RAD54L2: variants seen among roughly 807,000 people sequenced by gnomAD.
The protein encoded by RAD54L2 is RAD54 like 2.
RAD54L2 carries 27 observed loss-of-function variants against 138.4 expected under a neutral mutation model. The observed-to-expected ratio is 0.20, with a 90% CI of 0.14 to 0.27. The LOEUF (loss-of-function observed/expected upper bound fraction) is 0.27, where lower values mean the gene tolerates loss of function less well. Among genes scored for constraint, RAD54L2 ranks in the 10% least tolerant of loss-of-function variants. The probability of loss-of-function intolerance (pLI) is 1.00; values close to 1 mark genes in which losing one functional copy is unlikely to be tolerated. For synonymous variants in RAD54L2, 644 were observed against 723.2 expected, an observed-to-expected ratio of 0.89 and a Z score of 1.76; for missense variants, 1,396 against 1,890.2, an observed-to-expected ratio of 0.74 and a Z score of 4.85.
intron 1 of RAD54L2, among the ~76,000 whole-genome samples, chr3:51,539,861 G>A (rs1222076707): frequency 6.6e-6 from 1 of 152,186 alleles, no homozygotes; most frequent in African/African-American, 2.4e-5. Flanking sequence ...GATGCAACTG[G>A]AAGGGTTATG....
At chr3:51,543,608 C>CAA (rs1169502388) in intron 2 of RAD54L2, among the ~76,000 whole-genome samples, 16 of 60,454 alleles carry the variant, frequency 2.6e-4, no homozygotes, top group African/African-American at 6.4e-4. Flanking sequence ...AACTCCATCT[C>CAA]AAAAAAAAAA....
chr3:51,649,452 CAA>C (rs938978775), intron 19 of RAD54L2, among the ~76,000 whole-genome samples: 3 of 152,100 alleles, frequency 2.0e-5, no homozygotes, highest in Admixed American at 6.5e-5. Flanking sequence ...GAGAACACCA[CAA>C]AGATACTCTT....
At chr3:51,649,410 A>G (rs1701370811) in intron 19 of RAD54L2, among the ~76,000 whole-genome samples, 1 of 152,218 alleles carries the variant, frequency 6.6e-6, no homozygotes, top group Non-Finnish European at 1.5e-5. Context: ...CAACCTAGCA[A>G]GGCAGGCCAA....
At chr3:51,606,196 A>G (rs1271299832) in intron 3 of RAD54L2, among the ~76,000 whole-genome samples, 2 of 152,328 alleles carry the variant, frequency 1.3e-5, no homozygotes, top group South Asian at 4.1e-4. Flanking sequence ...TCCTAAGTGC[A>G]AAAGGGATAG....
rs933596102 is a variant in RAD54L2 at position 51,668,167 on chromosome 3, T to G, written c.*4747T>G. ...TGTTATCTGGTTGTGTTACTCAGGG[T>G]GGGCTGGGGACTCACCAGAAGAATC... On this transcript the variant is annotated 3_prime_UTR_variant, in exon 23 of 23. Coordinates refer to ENST00000684192, the MANE Select transcript of RAD54L2 (RefSeq NM_015106.4). 1 of 152,252 alleles carries G rather than the reference T, an allele frequency of 6.6e-6. No homozygotes were observed. The highest frequency in any genetic ancestry group is 1.5e-5 in the Non-Finnish European group (1 of 68,176). The allele number at this position is 152,252 out of a possible 1,614,324, so 9.4% of individuals were successfully genotyped here.
intron 2 of RAD54L2, among the ~76,000 whole-genome samples, chr3:51,556,933 A>G (rs549737753): frequency 9.9e-5 from 15 of 152,118 alleles, no homozygotes; most frequent in African/African-American, 1.7e-4. Context: ...CCTGAGCAAT[A>G]TCTCTGAGGT....
chr3:51,561,886 T>C (rs1009732457), intron 2 of RAD54L2, among the ~76,000 whole-genome samples: 1 of 151,956 alleles, frequency 6.6e-6, no homozygotes, highest in African/African-American at 2.4e-5. Flanking sequence ...TATTTATTGT[T>C]GAGACAAGGT....
At chr3:51,627,895 T>A in intron 4 of RAD54L2, 141 bp downstream of exon 4, 1 of 937,514 alleles carries the variant, frequency 1.1e-6, no homozygotes, top group African/African-American at 1.6e-5. Flanking sequence ...GTGTCTTCAT[T>A]AATAGTGAAG....
intron 3 of RAD54L2, among the ~76,000 whole-genome samples, chr3:51,593,893 T>C (rs1699895352): frequency 6.6e-6 from 1 of 152,116 alleles, no homozygotes; most frequent in African/African-American, 2.4e-5. Context: ...TCTACGTAAA[T>C]ATTTAAAGCT....
At chr3:51,609,708 G>A (rs1417648386) in intron 3 of RAD54L2, among the ~76,000 whole-genome samples, 1 of 144,382 alleles carries the variant, frequency 6.9e-6, no homozygotes, top group Non-Finnish European at 1.5e-5. Flanking sequence ...TTGTGTGTGT[G>A]TGTGTGTGTG....
At chr3:51,614,328 AT>A (rs1005627186) in intron 3 of RAD54L2, among the ~76,000 whole-genome samples, 1 of 151,016 alleles carries the variant, frequency 6.6e-6, no homozygotes, top group Admixed American at 6.6e-5. Flanking sequence ...TGCCCAGCTA[AT>A]TTTTTTTTAT....
chr3:51,649,330 G>A (rs988581841), intron 19 of RAD54L2, among the ~76,000 whole-genome samples: 1 of 152,202 alleles, frequency 6.6e-6, no homozygotes, highest in African/African-American at 2.4e-5. Flanking sequence ...TTTGATTGGT[G>A]TACCTGAAAG....
Position 51,638,288 on chromosome 3 carries a change from G to C in RAD54L2, c.1827G>C (p.Leu609=). The change falls in exon 12 of 23, where the codon CTG becomes CTC. Residue 609 remains leucine, a synonymous_variant. Coordinates refer to ENST00000684192, the MANE Select transcript of RAD54L2 (RefSeq NM_015106.4). This position sits in a 1 kb window ranked among gnomAD's most constrained non-coding sequence, Gnocchi z 4.3. ...RDCGSSGWLG[L]NPLKAFCVCC... ...GTGGTAGCAGCGGTTGGCTGGGGCTGAACCCCCTTAAGGCATTCTGTGTGT... is the reference window on the plus strand; with the variant it reads ...GTGGTAGCAGCGGTTGGCTGGGGCTCAACCCCCTTAAGGCATTCTGTGTGT... 1 of 1,613,994 alleles carries C rather than the reference G, an allele frequency of 6.2e-7. No homozygotes were observed. The highest frequency in any genetic ancestry group is 8.5e-7 in the Non-Finnish European group (1 of 1,179,890).
intron 19 of RAD54L2, among the ~76,000 whole-genome samples, chr3:51,647,604 G>T (rs1411304592): frequency 6.6e-6 from 1 of 152,180 alleles, no homozygotes; most frequent in Non-Finnish European, 1.5e-5. Context: ...GGGAGGCAGA[G>T]GTTGTGGTGA....
At position 51,590,557 on chromosome 3, in the gene RAD54L2, A is replaced by G; in HGVS notation, c.137A>G (p.Asp46Gly). ...AGGGATGATGAAGAAGACCTGCTGGATGGTAAGTGGGCTCTATTGAGTGAC... is the reference window on the plus strand; with the variant it reads ...AGGGATGATGAAGAAGACCTGCTGGGTGGTAAGTGGGCTCTATTGAGTGAC... Reference protein sequence around the residue: ...CDRDDEEDLLDDPSLEGMCGT... With the variant: ...CDRDDEEDLLGDPSLEGMCGT... Residue 46 changes from aspartate (D) to glycine (G), a missense_variant and splice_region_variant, in exon 3 of 23, where the codon GAT (aspartate) becomes GGT (glycine). Around this residue, in one of 7 missense-constraint regions of RAD54L2, gnomAD observed 256 missense variants for 344.6 expected, o/e 0.74. Coordinates refer to ENST00000684192, the MANE Select transcript of RAD54L2 (RefSeq NM_015106.4). The G allele has an allele frequency of 1.3e-6, 2 of 1,552,328 alleles. No homozygotes were observed. Among genetic ancestry groups the G allele is most frequent in the East Asian group, 2.4e-5 (1 of 40,922 alleles).
rs1237288449 is a variant in RAD54L2 at position 51,666,320 on chromosome 3, A to G, written c.*2900A>G. The stretch of plus-strand genomic sequence containing the variant: ...AAGCATGTTTGTGAGGGAAGCAGGA[A>G]GTATCTCAGAGCCTAAGAACCATGT... On this transcript the variant is annotated 3_prime_UTR_variant, in exon 23 of 23. Transcript: ENST00000684192. 4 of 151,704 alleles carry G rather than the reference A, an allele frequency of 2.6e-5. No individual in the cohort carries two copies. The highest frequency in any genetic ancestry group is 5.9e-5 in the Non-Finnish European group (4 of 67,976). The allele number at this position is 151,704 out of a possible 1,614,324, so 9.4% of individuals were successfully genotyped here.
At chr3:51,561,635 C>T (rs1699101690) in intron 2 of RAD54L2, among the ~76,000 whole-genome samples, 1 of 151,958 alleles carries the variant, frequency 6.6e-6, no homozygotes, top group African/African-American at 2.4e-5. Flanking sequence ...AATCACGGCT[C>T]ACTGCAGCCT....
At chr3:51,632,789 G>A (rs906292367) in intron 7 of RAD54L2, among the ~76,000 whole-genome samples, 2 of 151,666 alleles carry the variant, frequency 1.3e-5, no homozygotes, top group Non-Finnish European at 2.9e-5. Context: ...CTACTCTGGA[G>A]GCTGAGGCAG....
intron 16 of RAD54L2, 54 bp downstream of exon 16, chr3:51,644,028 C>G (rs1401634927): frequency 2.1e-6 from 3 of 1,410,022 alleles, no homozygotes; most frequent in Non-Finnish European, 2.9e-6. Flanking sequence ...CAGTTGGCCA[C>G]CTGGGCTGGT....
Sources: gnomAD v4.1 joint callset for allele counts (sites outside exome capture counted in the v4.1 genomes callset) on GRCh38, gnomAD v4.1.1 for gene constraint, gnomAD v4.1.1 regional missense constraint, Gnocchi (gnomAD v3.1) non-coding constraint, MANE v1.5 for transcripts, NCBI Gene and HGNC (gene_info 2026-07-23, HGNC 2026-07-21) for gene names.